Variants in CLNS1A observed in about 807,000 individuals in gnomAD.
The protein encoded by CLNS1A is chloride nucleotide-sensitive channel 1A, also known as methylosome subunit pICln.
In CLNS1A, 16 loss-of-function variants were observed where a neutral mutation model predicts 29.4. The observed-to-expected ratio is 0.54, with a 90% CI of 0.37 to 0.83. The LOEUF (loss-of-function observed/expected upper bound fraction) is 0.83, where lower values mean the gene tolerates loss of function less well. Ranked by LOEUF, CLNS1A falls within the 40% of genes least tolerant of loss-of-function variation. The probability of loss-of-function intolerance (pLI) is 0.00; values close to 1 mark genes in which losing one functional copy is unlikely to be tolerated. For synonymous variants in CLNS1A, 96 were observed against 104.8 expected (o/e 0.92, Z 0.51); for missense variants, 235 against 287.4 (o/e 0.82, Z 1.32).
rs759552962 is a variant in CLNS1A, at chr11:77,629,756, T to C, written c.262+7A>G. ...GGAGGCATTAGATTAAATTACACCA[T>C]ACATACCTTCAAATTTGGCATTCAC... On this transcript the variant is annotated splice_region_variant and intron_variant, in intron 2 of 6. Coordinates refer to ENST00000525428, the MANE Select transcript of CLNS1A (RefSeq NM_001293.3). 5.0e-6 allele frequency: 8 copies of C among 1,611,906 alleles called. No homozygotes were observed. In the South Asian group the frequency reaches 5.5e-5, roughly 11 times the overall value.
chr11:77,618,715 G>A (rs920223620), intron 6 of CLNS1A: 1 of 152,124 alleles, frequency 6.6e-6, no homozygotes, highest in Non-Finnish European at 1.5e-5. Context: ...AGGGGTAAAG[G>A]AATTAAAACT....
intron 1 of CLNS1A, among the ~76,000 whole-genome samples, chr11:77,630,779 G>C (rs1161107929): frequency 1.3e-5 from 2 of 151,890 alleles, no homozygotes; most frequent in Non-Finnish European, 2.9e-5. Flanking sequence ...AAAAAATCCT[G>C]AAGAAGTCAA....
In CLNS1A at chr11:77,636,680, T is replaced by A. The variant is rs112467372; in HGVS notation, c.125+910A>T. ...TTAAGGTTACCAGTCGACAGTAACATAGGGAGATTATCCTGGATTTTACAG... is the reference window on the plus strand; with the variant it reads ...TTAAGGTTACCAGTCGACAGTAACAAAGGGAGATTATCCTGGATTTTACAG... On this transcript the variant is annotated intron_variant, in intron 1 of 6. Transcript: ENST00000525428. Among the ~76,000 whole-genome samples the A allele has an allele frequency of 8.9e-3, 1,361 of 152,230 alleles. 19 individuals are homozygous for A. The highest frequency in any genetic ancestry group is 0.029 in the African/African-American group (1,203 of 41,532).
rs11237242 is a variant in CLNS1A at position 77,622,950 on chromosome 11, A to G, written c.473-277T>C. Among the ~76,000 whole-genome samples, 24 of 79,320 alleles carry G rather than the reference A, an allele frequency of 3.0e-4. No individual in the cohort carries two copies. The East Asian group carries it at 0.012, about 39-fold the overall frequency. The allele number at this position is 79,320 out of a possible 152,430, so 52.0% of individuals were successfully genotyped here. A position where few individuals can be genotyped will look rare whatever the true frequency, so the allele number is the denominator to read the frequency against. On this transcript the variant is annotated intron_variant, in intron 4 of 6. Coordinates refer to ENST00000525428, the MANE Select transcript of CLNS1A (RefSeq NM_001293.3). ...GCAACCGAGCAAGACCTTGTCTTGG[A>G]AAAAAAAAAAAAAAAAAGAATCTGC...
At chr11:77,628,782 T>C (rs775514945) in intron 2 of CLNS1A, among the ~76,000 whole-genome samples, 1 of 152,234 alleles carries the variant, frequency 6.6e-6, no homozygotes, top group Non-Finnish European at 1.5e-5. Context: ...GCATCTTCAC[T>C]AGACTTTTAC....
chr11:77,637,392 CAG>C (rs1043349554), intron 1 of CLNS1A, among the ~76,000 whole-genome samples, 196 bp downstream of exon 1: 7 of 141,558 alleles, frequency 4.9e-5, no homozygotes, highest in African/African-American at 7.9e-5. Context: ...CCGGAGAAAA[CAG>C]AGAATGGAAG....
Position 77,637,646 on chromosome 11 carries a change from A to T in CLNS1A, c.69T>A (p.Thr23=), listed in dbSNP as rs527376211. ...GGCCCTTCCCGTTCAGCACAGCCTCAGTGTCTGGCTGCTGCCGCAGGAGCC... is the reference window on the plus strand; with the variant it reads ...GGCCCTTCCCGTTCAGCACAGCCTCTGTGTCTGGCTGCTGCCGCAGGAGCC... ...AEGLLRQQPD[T]EAVLNGKGLG... The change falls in exon 1 of 7, where the codon ACT becomes ACA. Residue 23 remains threonine (T), a synonymous_variant. Transcript: ENST00000525428. 1 of 1,584,856 alleles carries T rather than the reference A, an allele frequency of 6.3e-7. No homozygotes were observed. The highest frequency in any genetic ancestry group is 1.8e-5 in the Admixed American group (1 of 55,918).
intron 4 of CLNS1A, among the ~76,000 whole-genome samples, chr11:77,624,442 C>T (rs1407403496): frequency 6.6e-6 from 1 of 152,120 alleles, no homozygotes; most frequent in Non-Finnish European, 1.5e-5. Flanking sequence ...TTCCCCATAA[C>T]AATCTCTATT....
In CLNS1A at chr11:77,629,772, T is replaced by G; in HGVS notation, c.253A>C (p.Lys85Gln). Residue 85 changes from lysine to glutamine, a missense_variant, in exon 2 of 7, where the codon AAA becomes CAA. Transcript: ENST00000525428. ...ATTACACCATACATACCTTCAAATT[T>G]GGCATTCACCATAACATACAAATGC... is the stretch of plus-strand genomic sequence containing the variant. ...GEHLYVMVNAKFEEESKEPVA... is the reference protein window; with the variant it reads ...GEHLYVMVNAQFEEESKEPVA... 6.2e-7 allele frequency: 1 copy of G among 1,612,522 alleles called. No individual in the cohort carries two copies. Among genetic ancestry groups the G allele is most frequent in the Non-Finnish European group, 8.5e-7 (1 of 1,179,838 alleles).
At chr11:77,637,547 G>T in intron 1 of CLNS1A, 43 bp downstream of exon 1, 2 of 1,568,110 alleles carry the variant, frequency 1.3e-6, no homozygotes, top group Non-Finnish European at 1.7e-6. Flanking sequence ...GCAAGGAGGA[G>T]GGCGGCGCGC....
intron 4 of CLNS1A, 100 bp downstream of exon 4, chr11:77,624,863 T>C (rs1958999866): frequency 2.8e-6 from 2 of 705,136 alleles, no homozygotes; most frequent in Non-Finnish European, 4.9e-6. Context: ...TACTTTACAG[T>C]CATATAAAGA....
chr11:77,624,906 G>T, intron 4 of CLNS1A, 57 bp downstream of exon 4: 2 of 1,087,668 alleles, frequency 1.8e-6, no homozygotes, highest in Non-Finnish European at 1.4e-6. Flanking sequence ...ACAAATAAAT[G>T]CTTAAAATGA....
intron 5 of CLNS1A, among the ~76,000 whole-genome samples, chr11:77,622,255 T>C (rs1488374855): frequency 6.6e-6 from 1 of 152,190 alleles, no homozygotes; most frequent in African/African-American, 2.4e-5. Flanking sequence ...CTTTTTCACT[T>C]CTACTTTCTT....
chr11:77,631,298 T>C (rs374732426), intron 1 of CLNS1A, among the ~76,000 whole-genome samples: 6 of 151,814 alleles, frequency 4.0e-5, no homozygotes, highest in African/African-American at 1.5e-4. Flanking sequence ...ACTCTGTAAA[T>C]ATACTAAAAC....
At chr11:77,626,095 C>T (rs1404497083) in intron 2 of CLNS1A, among the ~76,000 whole-genome samples, 1 of 152,074 alleles carries the variant, frequency 6.6e-6, no homozygotes, top group African/African-American at 2.4e-5. Flanking sequence ...GTAATCTAAT[C>T]TCATCAACAA....
At chr11:77,617,058 A>G (rs1001953113) in intron 6 of CLNS1A, among the ~76,000 whole-genome samples, 2 of 152,212 alleles carry the variant, frequency 1.3e-5, no homozygotes, top group Admixed American at 6.5e-5. Context: ...TAAAGCATGT[A>G]CAATTTTAAA....
intron 3 of CLNS1A, 81 bp from the exon 4 acceptor site, chr11:77,625,151 CA>C (rs1959003786): frequency 9.9e-6 from 9 of 908,250 alleles, no homozygotes; most frequent in Non-Finnish European, 1.7e-6. Flanking sequence ...AATGGGTACA[CA>C]AAACGCCACA....
At chr11:77,632,183 C>T (rs527847269) in intron 1 of CLNS1A, among the ~76,000 whole-genome samples, 1 of 152,304 alleles carries the variant, frequency 6.6e-6, no homozygotes, top group East Asian at 1.9e-4. Context: ...CACTGCTTTC[C>T]TTTTAATGTG....
At chr11:77,636,925 A>G (rs1590806682) in intron 1 of CLNS1A, among the ~76,000 whole-genome samples, 1 of 152,286 alleles carries the variant, frequency 6.6e-6, no homozygotes, top group Middle Eastern at 3.4e-3. Context: ...CTGTCAAAAT[A>G]CCAAAGTGCT....
Sources: allele counts gnomAD v4.1 joint callset (sites outside exome capture counted in the v4.1 genomes callset), GRCh38; gene constraint gnomAD v4.1.1; transcripts MANE v1.5; gene names NCBI Gene and HGNC (gene_info 2026-07-23, HGNC 2026-07-21).